The following ASPRV1 variants were observed in gnomAD, a reference collection of about 807,000 sequenced individuals.
The protein encoded by ASPRV1 is retroviral-like aspartic protease 1.
A neutral mutation model predicts 11.0 loss-of-function variants in ASPRV1; 7 were observed. The observed-to-expected ratio is 0.64, with a 90% CI of 0.36 to 1.20. The LOEUF (loss-of-function observed/expected upper bound fraction) is 1.20, where lower values mean the gene tolerates loss of function less well. Ranked by LOEUF, ASPRV1 falls within the 50% of genes most tolerant of loss-of-function variation. The pLI is 0.02. For missense variants in ASPRV1, 299 were observed against 320.0 expected (o/e 0.93, Z 0.50); for synonymous variants, 136 against 138.4 (o/e 0.98, Z 0.12).
chr2:69,957,283 T>C (rs1195737302), downstream of ASPRV1, among the ~76,000 whole-genome samples: 1 of 152,052 alleles, frequency 6.6e-6, no homozygotes, highest in East Asian at 1.9e-4. Flanking sequence ...GGTTCCTATA[T>C]ATATAGATAG....
At chr2:70,009,986 G>A in the ASPRV1 span, among the ~76,000 whole-genome samples, 1 of 152,212 alleles carries the variant, frequency 6.6e-6, no homozygotes, top group Admixed American at 6.5e-5. Context: ...CAGGTATGGG[G>A]TGCCTGATGG....
chr2:69,978,520 C>T, the ASPRV1 span, among the ~76,000 whole-genome samples: 3 of 152,222 alleles, frequency 2.0e-5, no homozygotes, highest in South Asian at 4.1e-4. Flanking sequence ...AAGGAGATAA[C>T]GCATAACAGC....
chr2:69,970,938 G>A, the ASPRV1 span: 2 of 152,190 alleles, frequency 1.3e-5, no homozygotes, highest in African/African-American at 4.8e-5. Flanking sequence ...AGGCCGAGGC[G>A]GGCAGATCAC....
chr2:70,019,070 AAAAC>A, the ASPRV1 span: 1 of 152,226 alleles, frequency 6.6e-6, no homozygotes, highest in Non-Finnish European at 1.5e-5. Context: ...CAGTAGGAAG[AAAAC>A]AAATAACCAG....
chr2:70,020,024 T>C, the ASPRV1 span, among the ~76,000 whole-genome samples: 63 of 152,272 alleles, frequency 4.1e-4, no homozygotes, highest in Admixed American at 2.0e-3. Context: ...CAAAACATCA[T>C]GTTGTATACC....
rs75427851 is a variant in ASPRV1, at chr2:69,960,602, C to T, written c.*55G>A. On this transcript the variant is annotated 3_prime_UTR_variant, in exon 1 of 1. Transcript: ENST00000320256. ...CCCCCATGAGGATATGCAACCCCCC[C>T]CACAGCGGTGGGTCTTCCCACCAAT... 4 of 1,528,766 alleles carry T rather than the reference C, an allele frequency of 2.6e-6. No homozygotes were observed. The highest frequency in any genetic ancestry group is 1.4e-5 in the African/African-American group (1 of 72,586). The allele number at this position is 1,528,766 out of a possible 1,614,324, so 94.7% of individuals were successfully genotyped here. A position where few individuals can be genotyped will look rare whatever the true frequency, so the allele number is the denominator to read the frequency against.
At chr2:70,042,462 G>T in the ASPRV1 span, among the ~76,000 whole-genome samples, 1 of 152,200 alleles carries the variant, frequency 6.6e-6, no homozygotes, top group African/African-American at 2.4e-5. Context: ...GGGACTGACA[G>T]CAGGGCTTTA....
chr2:70,007,568 ATAAG>A, the ASPRV1 span, among the ~76,000 whole-genome samples: 1 of 151,722 alleles, frequency 6.6e-6, no homozygotes, highest in Non-Finnish European at 1.5e-5. Flanking sequence ...GTATTTAATA[ATAAG>A]TAATAAATAT....
upstream of ASPRV1, among the ~76,000 whole-genome samples, chr2:69,963,878 G>A (rs980703738): frequency 1.3e-5 from 2 of 152,138 alleles, no homozygotes; most frequent in African/African-American, 2.4e-5. Flanking sequence ...TGAAGCGCTG[G>A]GCTGAGAGAG....
the ASPRV1 span, among the ~76,000 whole-genome samples, chr2:70,011,274 TAAAAA>T: frequency 6.9e-6 from 1 of 145,836 alleles, no homozygotes; most frequent in Non-Finnish European, 1.5e-5. Context: ...AATTAAAAGT[TAAAAA>T]AAAAAAGTGT....
chr2:69,956,437 G>T (rs1327471659), downstream of ASPRV1, among the ~76,000 whole-genome samples: 1 of 148,874 alleles, frequency 6.7e-6, no homozygotes, highest in Non-Finnish European at 1.5e-5. Flanking sequence ...GAAAGAAGAA[G>T]GAGAAGGAGA....
the ASPRV1 span, among the ~76,000 whole-genome samples, chr2:70,068,821 T>G: frequency 6.6e-6 from 1 of 151,310 alleles, no homozygotes; most frequent in Non-Finnish European, 1.5e-5. Context: ...GGCACATGCC[T>G]ATAATCCCAG....
chr2:70,018,366 T>C, the ASPRV1 span, among the ~76,000 whole-genome samples: 23 of 151,928 alleles, frequency 1.5e-4, no homozygotes, highest in African/African-American at 5.6e-4. Flanking sequence ...GACCTACAGA[T>C]TCAAAGCAAT....
the ASPRV1 span, among the ~76,000 whole-genome samples, chr2:70,081,774 A>G: frequency 3.3e-5 from 5 of 151,914 alleles, no homozygotes; most frequent in Non-Finnish European, 5.9e-5. Context: ...TTGTAGAGAC[A>G]GGGTCTCACC....
chr2:69,962,215 C>T (rs1195706560), upstream of ASPRV1: 1 of 168,900 alleles, frequency 5.9e-6, no homozygotes, highest in African/African-American at 2.4e-5. Flanking sequence ...CACACACACA[C>T]ACACACACAC....
the ASPRV1 span, among the ~76,000 whole-genome samples, chr2:69,985,817 C>T: frequency 6.6e-6 from 1 of 152,176 alleles, no homozygotes; most frequent in East Asian, 1.9e-4. Context: ...CTCAGACAGA[C>T]ATGGAACCCA....
chr2:69,964,054 T>G (rs750331829), upstream of ASPRV1, among the ~76,000 whole-genome samples: 7 of 152,134 alleles, frequency 4.6e-5, no homozygotes, highest in Non-Finnish European at 1.0e-4. Flanking sequence ...AAATCAAGAC[T>G]TTTTCCCCCT....
the ASPRV1 span, chr2:70,056,274 A>C: frequency 1.3e-5 from 2 of 152,186 alleles, no homozygotes; most frequent in African/African-American, 4.8e-5. Flanking sequence ...GCTGCACAAA[A>C]TGTGAATATA....
the ASPRV1 span, chr2:69,938,374 C>T: frequency 6.5e-6 from 9 of 1,390,866 alleles, no homozygotes; most frequent in Admixed American, 4.0e-5. Flanking sequence ...CTCCCTTGCA[C>T]GTAAACTTCA....
Sources: gnomAD v4.1 joint callset for allele counts (sites outside exome capture counted in the v4.1 genomes callset) on GRCh38, gnomAD v4.1.1 for gene constraint, MANE v1.5 for transcripts, NCBI Gene and HGNC (gene_info 2026-07-23, HGNC 2026-07-21) for gene names.